The following LPCAT1 variants were observed in gnomAD, a reference collection of about 807,000 sequenced individuals.
The protein encoded by LPCAT1 is lysophosphatidylcholine acyltransferase 1, also known as 1-acylglycerol-3-phosphate O-acyltransferase.
A neutral mutation model predicts 60.9 loss-of-function variants in LPCAT1; 23 were observed. That is an observed-to-expected ratio of 0.38 (90% CI 0.27 to 0.53). The LOEUF is 0.53. Ranked by LOEUF, LPCAT1 falls within the 20% of genes least tolerant of loss-of-function variation. The pLI is 0.82. For synonymous variants in LPCAT1, 340 were observed against 301.1 expected, an observed-to-expected ratio of 1.13 and a Z score of -1.34; for missense variants, 622 against 723.6, an observed-to-expected ratio of 0.86 and a Z score of 1.61.
Position 1,463,298 on chromosome 5 carries a change from G to C in LPCAT1, c.*353C>G. The C allele has an allele frequency of 4.1e-6, 1 of 244,128 alleles. No individual in the cohort carries two copies. The highest frequency in any genetic ancestry group is 8.0e-6 in the Non-Finnish European group (1 of 125,742). The allele number at this position is 244,128 out of a possible 1,614,324, so 15.1% of individuals were successfully genotyped here. On this transcript the variant is annotated 3_prime_UTR_variant, in exon 14 of 14. Transcript: ENST00000283415. ...GCTGAGTGTGCACGGAGGCCCGCCC[G>C]GTGCACGCTGCCGCCGGAAGAGGCT...
chr5:1,486,717 C>T (rs1735384069), intron 5 of LPCAT1, among the ~76,000 whole-genome samples: 1 of 152,182 alleles, frequency 6.6e-6, no homozygotes, highest in African/African-American at 2.4e-5. Context: ...AGGCTCCAAA[C>T]CTCACTAAGA....
At chr5:1,466,010 G>A (rs1579749728) in intron 13 of LPCAT1, among the ~76,000 whole-genome samples, 3 of 152,330 alleles carry the variant, frequency 2.0e-5, no homozygotes, top group African/African-American at 7.2e-5. Flanking sequence ...TGTGCACGCA[G>A]CTCTCTCGCG....
At chr5:1,515,576 C>T (rs1320288365) in intron 1 of LPCAT1, among the ~76,000 whole-genome samples, 2 of 151,642 alleles carry the variant, frequency 1.3e-5, no homozygotes, top group African/African-American at 2.4e-5. Flanking sequence ...CCCTGGCCTG[C>T]CCTGTATACC....
rs758740058 is a variant in LPCAT1, at chr5:1,494,934, G to A, written c.279-20C>T. ...ACAACCCTGCAAAAGAGGGCGCTGCGTCACGCGGGCACACGTCCGCAGTCT... is the reference window on the plus strand; with the variant it reads ...ACAACCCTGCAAAAGAGGGCGCTGCATCACGCGGGCACACGTCCGCAGTCT... On this transcript the variant is annotated intron_variant, in intron 2 of 13. Coordinates refer to ENST00000283415, the MANE Select transcript of LPCAT1 (RefSeq NM_024830.5). 1.8e-5 allele frequency: 29 copies of A among 1,574,786 alleles called. No homozygotes were observed. Among genetic ancestry groups the A allele is most frequent in the Middle Eastern group, 2.0e-4 (1 of 4,978 alleles).
At chr5:1,472,273 G>C (rs1734713276) in intron 11 of LPCAT1, among the ~76,000 whole-genome samples, 1 of 152,126 alleles carries the variant, frequency 6.6e-6, no homozygotes, top group Non-Finnish European at 1.5e-5. Flanking sequence ...CAGGGGCAGA[G>C]GGAGGACTTT....
rs1402799503 is a variant in LPCAT1, at chr5:1,480,241, C to T, written c.762-566G>A. The T allele has an allele frequency of 1.3e-6, 1 of 779,448 alleles. No individual in the cohort carries two copies. Among genetic ancestry groups the T allele is most frequent in the African/African-American group, 1.9e-5 (1 of 52,902 alleles). 48.3% of individuals were successfully genotyped at this position (779,448 alleles called of 1,614,324 possible). A position where few individuals can be genotyped will look rare whatever the true frequency, so the allele number is the denominator to read the frequency against. ...GAACCCCTATACCCCCCAGAGCCCC[C>T]TCCCAGCTCTGCTCCCAGCTGGGAG... On this transcript the variant is annotated intron_variant, in intron 7 of 13. Transcript: ENST00000283415. The surrounding 1 kb of genome is among the most constrained non-coding windows in gnomAD (Gnocchi z 6.4).
intron 1 of LPCAT1, among the ~76,000 whole-genome samples, chr5:1,512,347 G>A (rs951651933): frequency 6.6e-6 from 1 of 152,174 alleles, no homozygotes; most frequent in African/African-American, 2.4e-5. Flanking sequence ...TCCCACGGAG[G>A]CTCACAGGGT....
At chr5:1,492,407 G>A (rs535032332) in intron 3 of LPCAT1, among the ~76,000 whole-genome samples, 124 of 152,292 alleles carry the variant, frequency 8.1e-4, no homozygotes, top group African/African-American at 2.8e-3. Flanking sequence ...CTGAGCTCCC[G>A]AATCAGAGGG....
At chr5:1,472,961 C>T (rs955114965) in intron 11 of LPCAT1, among the ~76,000 whole-genome samples, 1 of 152,120 alleles carries the variant, frequency 6.6e-6, no homozygotes, top group Non-Finnish European at 1.5e-5. Context: ...GGGGCAGCCT[C>T]CTTCCCCTGT....
rs768611632 is a variant in LPCAT1 at position 1,483,535 on chromosome 5, A to G, written c.668-49T>C. ...TTGCCCATGGCAGCCCACGCAGGAC[A>G]GCGTCTGCTGCGTTTCTCATGCTGC... On this transcript the variant is annotated intron_variant, in intron 5 of 13. Transcript: ENST00000283415. The surrounding 1 kb of genome is among the most constrained non-coding windows in gnomAD (Gnocchi z 9.2). 1.3e-6 allele frequency: 2 copies of G among 1,587,546 alleles called. 1 individual carries two copies. Among genetic ancestry groups the G allele is most frequent in the Non-Finnish European group, 1.7e-6 (2 of 1,157,926 alleles).
At chr5:1,516,070 GAC>G (rs1736498128) in intron 1 of LPCAT1, among the ~76,000 whole-genome samples, 1 of 152,256 alleles carries the variant, frequency 6.6e-6, no homozygotes, top group African/African-American at 2.4e-5. Context: ...TGCAGCTGTG[GAC>G]ACAGAGGGAG....
In LPCAT1 at chr5:1,521,580, T is replaced by A; in HGVS notation, c.135+2130A>T. On this transcript the variant is annotated intron_variant, in intron 1 of 13. Coordinates refer to ENST00000283415, the MANE Select transcript of LPCAT1 (RefSeq NM_024830.5). The surrounding 1 kb of genome is among the most constrained non-coding windows in gnomAD (Gnocchi z 4.3). ...GAGAACTTTGAGAACGTTTACAAACTAAACCCTTGAGCCACACATTGCAGA... is the reference window on the plus strand; with the variant it reads ...GAGAACTTTGAGAACGTTTACAAACAAAACCCTTGAGCCACACATTGCAGA... 1.6e-6 allele frequency: 1 copy of A among 642,868 alleles called. No individual in the cohort carries two copies. Among genetic ancestry groups the A allele is most frequent in the Non-Finnish European group, 1.9e-6 (1 of 517,246 alleles). 39.8% of individuals were successfully genotyped at this position (642,868 alleles called of 1,614,324 possible).
chr5:1,498,688 T>C (rs973747339), intron 2 of LPCAT1, among the ~76,000 whole-genome samples: 5 of 152,138 alleles, frequency 3.3e-5, no homozygotes, highest in Non-Finnish European at 7.4e-5. Context: ...CATACTGTCA[T>C]ACACGTACAT....
chr5:1,485,808 G>A (rs1735350681), intron 5 of LPCAT1, among the ~76,000 whole-genome samples: 1 of 151,674 alleles, frequency 6.6e-6, no homozygotes, highest in African/African-American at 2.4e-5. Flanking sequence ...CACAGCCCGT[G>A]CAGGGAGGCC....
At position 1,480,991 on chromosome 5, in the gene LPCAT1, G is replaced by A; in HGVS notation, c.727-15C>T. 6.2e-7 allele frequency: 1 copy of A among 1,613,528 alleles called. No individual in the cohort carries two copies. Among genetic ancestry groups the A allele is most frequent in the Non-Finnish European group, 8.5e-7 (1 of 1,180,000 alleles). ...GTGATGGTGTCCTGGGGAGGAAGAG[G>A]CAGGGTCAGTCAGCATGGGGCCTGC... On this transcript the variant is annotated splice_polypyrimidine_tract_variant and intron_variant, in intron 6 of 13. Coordinates refer to ENST00000283415, the MANE Select transcript of LPCAT1 (RefSeq NM_024830.5). This position sits in a 1 kb window ranked among gnomAD's most constrained non-coding sequence, Gnocchi z 6.4.
intron 13 of LPCAT1, among the ~76,000 whole-genome samples, chr5:1,464,380 G>A (rs552543983): frequency 6.6e-6 from 1 of 152,170 alleles, no homozygotes; most frequent in African/African-American, 2.4e-5. Flanking sequence ...TGGTGCAGGG[G>A]GCTGGTCATG....
At chr5:1,514,432 G>A (rs1389836306) in intron 1 of LPCAT1, among the ~76,000 whole-genome samples, 1 of 152,228 alleles carries the variant, frequency 6.6e-6, no homozygotes, top group African/African-American at 2.4e-5. Context: ...CTTCAGTACT[G>A]TTCCTTCGAC....
intron 1 of LPCAT1, among the ~76,000 whole-genome samples, chr5:1,515,940 G>A (rs1157434099): frequency 1.3e-5 from 2 of 152,284 alleles, no homozygotes; most frequent in South Asian, 2.1e-4. Flanking sequence ...TAACGTCTGT[G>A]AGGCAAGGCT....
intron 4 of LPCAT1, 63 bp from the exon 5 acceptor site, chr5:1,488,514 C>T: frequency 8.9e-7 from 1 of 1,119,744 alleles, no homozygotes; most frequent in Non-Finnish European, 1.3e-6. Flanking sequence ...TCAGAACTTA[C>T]AGAAGCCAAT....
Sources: allele counts gnomAD v4.1 joint callset (sites outside exome capture counted in the v4.1 genomes callset), GRCh38; gene constraint gnomAD v4.1.1; non-coding constraint Gnocchi (gnomAD v3.1); transcripts MANE v1.5; gene names NCBI Gene and HGNC (gene_info 2026-07-23, HGNC 2026-07-21).